TESK2: variants seen among roughly 807,000 people sequenced by gnomAD.
TESK2 encodes the protein testis associated actin remodelling kinase 2.
Under a neutral mutation model 57.1 loss-of-function variants are expected in TESK2, and 39 were observed. That is an observed-to-expected ratio of 0.68 (90% CI 0.53 to 0.89). The LOEUF (loss-of-function observed/expected upper bound fraction) is 0.89, where lower values mean the gene tolerates loss of function less well. Ranked by LOEUF, TESK2 falls within the 40% of genes least tolerant of loss-of-function variation. TESK2 has a pLI of 0.00. For synonymous variants in TESK2, 249 were observed against 267.9 expected (o/e 0.93, Z 0.69); for missense variants, 646 against 732.1 (o/e 0.88, Z 1.36).
At chr1:45,398,757 T>G (rs1649462488) in intron 3 of TESK2, 1 of 266,730 alleles carries the variant, frequency 3.7e-6, no homozygotes, top group African/African-American at 2.2e-5. Context: ...CAGTGTTTAT[T>G]ATAGTTGGTT....
intron 3 of TESK2, among the ~76,000 whole-genome samples, chr1:45,399,734 G>A (rs989196915): frequency 2.0e-5 from 3 of 152,122 alleles, no homozygotes; most frequent in African/African-American, 7.2e-5. Context: ...TCACAGGCAC[G>A]AAGACACTGC....
chr1:45,447,957 AAAG>A (rs1349097696), intron 2 of TESK2, among the ~76,000 whole-genome samples: 1 of 152,082 alleles, frequency 6.6e-6, no homozygotes, highest in South Asian at 2.1e-4. Flanking sequence ...GAAAGACATC[AAAG>A]AAGAACTAAA....
chr1:45,411,236 A>G (rs192097268), intron 3 of TESK2, among the ~76,000 whole-genome samples: 50 of 152,036 alleles, frequency 3.3e-4, no homozygotes, highest in African/African-American at 1.0e-3. Context: ...CAGACTCATG[A>G]CTCATGACTC....
intron 9 of TESK2, 91 bp from the exon 10 acceptor site, chr1:45,346,085 C>G (rs894927378): frequency 2.0e-6 from 2 of 996,714 alleles, no homozygotes; most frequent in Non-Finnish European, 3.2e-6. Context: ...TTTGAAGATT[C>G]AGATGTGCAG....
chr1:45,388,037 T>C (rs1648973604), intron 3 of TESK2, among the ~76,000 whole-genome samples: 1 of 152,084 alleles, frequency 6.6e-6, no homozygotes, highest in Non-Finnish European at 1.5e-5. Flanking sequence ...AATTAATTAA[T>C]AATAAAAATA....
intron 3 of TESK2, among the ~76,000 whole-genome samples, chr1:45,404,818 C>A (rs1444665169): frequency 6.6e-6 from 1 of 152,098 alleles, no homozygotes. Context: ...ACTAGGATTA[C>A]AGGCCTGAGC....
In TESK2 at chr1:45,457,473, C is replaced by T. The variant is rs1652153025; in HGVS notation, c.222+91G>A. On this transcript the variant is annotated intron_variant, in intron 2 of 10. Transcript: ENST00000372086. ...CAAGATCCACAGCACCTTTATTAGGCAAATCCTACATCCTAATTAAACACA... is the reference window on the plus strand; with the variant it reads ...CAAGATCCACAGCACCTTTATTAGGTAAATCCTACATCCTAATTAAACACA... 3.3e-6 allele frequency: 4 copies of T among 1,207,030 alleles called. No homozygotes were observed. In the South Asian group the frequency reaches 3.8e-5, roughly 12 times the overall value. 74.8% of individuals were successfully genotyped at this position (1,207,030 alleles called of 1,614,324 possible).
chr1:45,362,934 T>C lies in TESK2; in HGVS notation c.394-7485A>G, dbSNP rs193074223. Among the ~76,000 whole-genome samples, 10 of 152,012 alleles carry C rather than the reference T, an allele frequency of 6.6e-5. No individual in the cohort carries two copies. In the East Asian group the frequency reaches 1.2e-3, roughly 18 times the overall value. On this transcript the variant is annotated intron_variant, in intron 4 of 10. Coordinates refer to ENST00000372086, the MANE Select transcript of TESK2 (RefSeq NM_007170.3). ...GAATAACATGATCAGATATGCTACA[T>C]AGAAATATTCTAACAGTAGTATAAA...
intron 3 of TESK2, among the ~76,000 whole-genome samples, chr1:45,403,243 A>G (rs1649705212): frequency 6.6e-6 from 1 of 151,800 alleles, no homozygotes; most frequent in Non-Finnish European, 1.5e-5. Flanking sequence ...GAAAAAAAAA[A>G]AAAAAGAAAG....
chr1:45,450,537 A>G (rs1057500975), intron 2 of TESK2, among the ~76,000 whole-genome samples: 12 of 148,098 alleles, frequency 8.1e-5, no homozygotes, highest in African/African-American at 2.5e-4. Context: ...CATCAAGTCC[A>G]TAAAGGCCTC....
intron 4 of TESK2, among the ~76,000 whole-genome samples, chr1:45,360,188 A>C (rs1254211853): frequency 6.6e-6 from 1 of 152,196 alleles, no homozygotes; most frequent in Non-Finnish European, 1.5e-5. Flanking sequence ...GAATCTGCCC[A>C]AGATTCACAT....
chr1:45,400,655 G>A (rs368556031), intron 3 of TESK2, among the ~76,000 whole-genome samples: 1 of 152,060 alleles, frequency 6.6e-6, no homozygotes, highest in Non-Finnish European at 1.5e-5. Flanking sequence ...TCAAATTCAC[G>A]GTTCTGTATA....
chr1:45,456,988 G>C (rs1652134590), intron 2 of TESK2, among the ~76,000 whole-genome samples: 1 of 152,080 alleles, frequency 6.6e-6, no homozygotes, highest in African/African-American at 2.4e-5. Context: ...AAATATGATT[G>C]CTTAGGAGCA....
intron 3 of TESK2, among the ~76,000 whole-genome samples, chr1:45,400,699 C>T (rs1365087471): frequency 6.6e-6 from 1 of 152,114 alleles, no homozygotes; most frequent in East Asian, 1.9e-4. Flanking sequence ...CATAAATGTC[C>T]TCCCTCAAAC....
chr1:45,399,443 T>C (rs1364980485), intron 3 of TESK2, among the ~76,000 whole-genome samples: 2 of 152,126 alleles, frequency 1.3e-5, no homozygotes, highest in African/African-American at 2.4e-5. Context: ...GCATCCCGAG[T>C]AGCTGGGATT....
chr1:45,438,991 G>C (rs1651336327), intron 2 of TESK2, among the ~76,000 whole-genome samples: 1 of 152,112 alleles, frequency 6.6e-6, no homozygotes, highest in African/African-American at 2.4e-5. Flanking sequence ...AAATTAGTCA[G>C]TTTTTAGTAC....
intron 1 of TESK2, among the ~76,000 whole-genome samples, chr1:45,465,218 A>G (rs1479475737): frequency 6.6e-6 from 1 of 152,020 alleles, no homozygotes; most frequent in African/African-American, 2.4e-5. Flanking sequence ...CCTGGGAGAT[A>G]GAGCAAGACT....
chr1:45,390,490 G>T (rs981696127), intron 3 of TESK2, among the ~76,000 whole-genome samples: 2 of 150,666 alleles, frequency 1.3e-5, no homozygotes, highest in Admixed American at 1.3e-4. Context: ...ATCTTCCCTT[G>T]CCCCCTCACT....
Position 45,421,730 on chromosome 1 carries a change from G to C in TESK2, c.339C>G (p.Ile113Met). Residue 113 changes from isoleucine to methionine, a missense_variant, in exon 3 of 11, where the codon ATC becomes ATG. Coordinates refer to ENST00000372086, the MANE Select transcript of TESK2 (RefSeq NM_007170.3). Reference protein sequence around the residue: ...QLMNRLSHPNILRFMGVCVHQ... With the variant: ...QLMNRLSHPNMLRFMGVCVHQ... ...AAGGAAGGAAAAGCCATTACCTAAG[G>C]ATGTTGGGATGGGAGAGTCTATTCA... 2 of 1,614,002 alleles carry C rather than the reference G, an allele frequency of 1.2e-6. No individual in the cohort carries two copies. Among genetic ancestry groups the C allele is most frequent in the South Asian group, 1.1e-5 (1 of 91,068 alleles).
Sources: allele counts gnomAD v4.1 joint callset (sites outside exome capture counted in the v4.1 genomes callset), GRCh38; gene constraint gnomAD v4.1.1; transcripts MANE v1.5; gene names NCBI Gene and HGNC (gene_info 2026-07-23, HGNC 2026-07-21).